The following SEC24C variants were observed in gnomAD, a reference collection of about 807,000 sequenced individuals.
SEC24C encodes protein transport protein Sec24C.
In SEC24C, 22 loss-of-function variants were observed where a neutral mutation model predicts 117.0. That is an observed-to-expected ratio of 0.19 (90% CI 0.13 to 0.27). The LOEUF is 0.27. Ranked by LOEUF, SEC24C falls within the 10% of genes least tolerant of loss-of-function variation. SEC24C has a pLI of 1.00. For synonymous variants in SEC24C, 506 were observed against 529.4 expected, an observed-to-expected ratio of 0.96 and a Z score of 0.61; for missense variants, 1,155 against 1,375.1, an observed-to-expected ratio of 0.84 and a Z score of 2.53.
chr10:73,755,853 ATCTT>A (rs1424480782), intron 3 of SEC24C, among the ~76,000 whole-genome samples: 1 of 151,646 alleles, frequency 6.6e-6, no homozygotes, highest in Non-Finnish European at 1.5e-5. Flanking sequence ...AGGACTGAAA[ATCTT>A]TTTTTTTTTT....
chr10:73,767,956 T>G lies in SEC24C; in HGVS notation c.2130T>G (p.Ser710=), dbSNP rs778252952. Residue 710 remains serine, a synonymous_variant, in exon 15 of 23, where the codon TCT becomes TCG. Transcript: ENST00000345254. The stretch of plus-strand genomic sequence containing the variant: ...AGTATGTGGATGTGGCCACACTCTC[T>G]GTTGTGCCCCAGCTCACTGGTGGCT... ...PNQYVDVATL[S]VVPQLTGGSV... 4 of 1,613,424 alleles carry G rather than the reference T, an allele frequency of 2.5e-6. No homozygotes were observed. Among genetic ancestry groups the G allele is most frequent in the Non-Finnish European group, 3.4e-6 (4 of 1,179,890 alleles).
At chr10:73,768,059 C>T (rs769574757) in intron 15 of SEC24C, 52 bp downstream of exon 15, 3 of 1,535,110 alleles carry the variant, frequency 2.0e-6, no homozygotes, top group Admixed American at 3.5e-5. Context: ...GGAATATCTG[C>T]TTATATATGC....
At chr10:73,748,203 T>A (rs920968860) in intron 2 of SEC24C, among the ~76,000 whole-genome samples, 22 of 152,090 alleles carry the variant, frequency 1.4e-4, no homozygotes, top group African/African-American at 5.1e-4. Flanking sequence ...TGGCACAATC[T>A]CGGCTCACTG....
chr10:73,770,668 A>AAC (rs770567369), intron 21 of SEC24C, 41 bp from the exon 22 acceptor site: 1 of 1,604,128 alleles, frequency 6.2e-7, no homozygotes, highest in South Asian at 1.1e-5. Context: ...GACTGAACTC[A>AAC]GAGTGCCTTA....
At chr10:73,761,946 A>G (rs1457004068) in intron 6 of SEC24C, among the ~76,000 whole-genome samples, 2 of 152,054 alleles carry the variant, frequency 1.3e-5, no homozygotes, top group Non-Finnish European at 1.5e-5. Flanking sequence ...TTGGAATTTC[A>G]TATCTAGAGG....
At chr10:73,753,980 A>T (rs2082677375) in intron 3 of SEC24C, among the ~76,000 whole-genome samples, 1 of 152,028 alleles carries the variant, frequency 6.6e-6, no homozygotes, top group Non-Finnish European at 1.5e-5. Flanking sequence ...TAAGTTCATT[A>T]CCTGTCATTA....
chr10:73,752,272 C>T (rs766276278), intron 3 of SEC24C, among the ~76,000 whole-genome samples: 11 of 152,138 alleles, frequency 7.2e-5, no homozygotes, highest in Non-Finnish European at 1.3e-4. Context: ...CAGGCATGCG[C>T]CACCACACCC....
At position 73,768,854 on chromosome 10, in the gene SEC24C, T is replaced by C. The variant is rs201572452; in HGVS notation, c.2226T>C (p.Asp742=). The part of the protein sequence containing the change: ...QERFLSDLRR[D]VQKVVGFDAV... ...GGTTCCTGAGTGACCTGCGTCGTGATGTCCAGAAGGTTGTTGGCTTTGATG... is the reference window on the plus strand; with the variant it reads ...GGTTCCTGAGTGACCTGCGTCGTGACGTCCAGAAGGTTGTTGGCTTTGATG... The change falls in exon 16 of 23, where the codon GAT becomes GAC. Residue 742 remains aspartate, a synonymous_variant. Coordinates refer to ENST00000345254, the MANE Select transcript of SEC24C (RefSeq NM_198597.3). 4.3e-6 allele frequency: 7 copies of C among 1,614,086 alleles called. No homozygotes were observed. The Admixed American group carries it at 6.7e-5, about 15-fold the overall frequency.
intron 3 of SEC24C, among the ~76,000 whole-genome samples, chr10:73,758,851 TTGTGTG>T (rs111974775): frequency 6.6e-6 from 1 of 150,450 alleles, no homozygotes; most frequent in African/African-American, 2.4e-5. Context: ...TAGTTGGTTT[TTGTGTG>T]TGTGTGTGTG....
Position 73,767,916 on chromosome 10 carries a change from TTCTC to T in SEC24C, c.2092_2095del (p.Leu698SerfsTer38). On this transcript the variant is annotated frameshift_variant, in exon 15 of 23. Coordinates refer to ENST00000345254, the MANE Select transcript of SEC24C (RefSeq NM_198597.3). LOFTEE classifies it high-confidence loss of function. ...GCCCAAGGCTGCTGTGTAGATCTCT[TTCTC>T]TTCCCTAACCAGTATGTGGATGTGG... is the stretch of plus-strand genomic sequence containing the variant. 6.9e-7 allele frequency: 1 copy of T among 1,459,442 alleles called. No homozygotes were observed. The highest frequency in any genetic ancestry group is 9.1e-7 in the Non-Finnish European group (1 of 1,100,058). The allele number at this position is 1,459,442 out of a possible 1,614,324, so 90.4% of individuals were successfully genotyped here.
intron 3 of SEC24C, among the ~76,000 whole-genome samples, chr10:73,752,980 A>G (rs2082662858): frequency 1.3e-5 from 2 of 152,286 alleles, no homozygotes; most frequent in South Asian, 2.1e-4. Context: ...CCCCAATTCA[A>G]ACATTATTCT....
At chr10:73,768,762 T>C (rs767748311) in intron 15 of SEC24C, 48 bp from the exon 16 acceptor site, 5 of 1,561,350 alleles carry the variant, frequency 3.2e-6, no homozygotes. Flanking sequence ...GTCTGCACGA[T>C]GAGCTATGTC....
At chr10:73,770,667 C>G in intron 21 of SEC24C, 42 bp from the exon 22 acceptor site, 1 of 1,603,598 alleles carries the variant, frequency 6.2e-7, no homozygotes, top group Non-Finnish European at 8.5e-7. Context: ...TGACTGAACT[C>G]AGAGTGCCTT....
At position 73,746,916 on chromosome 10, in the gene SEC24C, T is replaced by C. The variant is rs2306325; in HGVS notation, c.84T>C (p.Tyr28=). ...ACCCAGGGTATCATCAGTCCAGCTA[T>C]GGTGGGCAATCAGGGTCCACAGCCC... ...PIYPGYHQSS[Y]GGQSGSTAPA... is the part of the protein sequence containing the mutation. Residue 28 remains tyrosine, a synonymous_variant, in exon 2 of 23, where the codon TAT becomes TAC. Coordinates refer to ENST00000345254, the MANE Select transcript of SEC24C (RefSeq NM_198597.3). 0.14 allele frequency: 227,705 copies of C among 1,613,632 alleles called. 16,887 individuals are homozygous for C. Among genetic ancestry groups the C allele is most frequent in the South Asian group, 0.22 (19,628 of 90,896 alleles).
rs1198666967 is a variant in SEC24C, at chr10:73,765,518, T to C, written c.1295T>C (p.Met432Thr). 1.2e-6 allele frequency: 2 copies of C among 1,614,048 alleles called. No individual in the cohort carries two copies. The highest frequency in any genetic ancestry group is 1.3e-5 in the African/African-American group (1 of 74,932). Reference sequence around the variant, plus strand: ...CGCTGCAACCGCTGCAAAGCATACATGTGTCCCTTCATGCAGTTCATTGAA... The same window carrying C: ...CGCTGCAACCGCTGCAAAGCATACACGTGTCCCTTCATGCAGTTCATTGAA... ...PLRCNRCKAY[M>T]CPFMQFIEGG... The change falls in exon 9 of 23, where the codon ATG (methionine) becomes ACG (threonine). Residue 432 changes from methionine (M) to threonine (T), a missense_variant. Met to Thr is a moderately conservative substitution (Grantham distance 81, BLOSUM62 -1). Around this residue, in one of 2 missense-constraint regions of SEC24C, gnomAD observed 759 missense variants for 992.3 expected, o/e 0.76. Coordinates refer to ENST00000345254, the MANE Select transcript of SEC24C (RefSeq NM_198597.3).
At chr10:73,745,659 C>T (rs1465072779) in intron 1 of SEC24C, among the ~76,000 whole-genome samples, 2 of 151,734 alleles carry the variant, frequency 1.3e-5, no homozygotes, top group Non-Finnish European at 2.9e-5. Flanking sequence ...AGCGATTTCT[C>T]CTGCCTCAGC....
At position 73,767,699 on chromosome 10, in the gene SEC24C, T is replaced by G. The variant is rs2082906333; in HGVS notation, c.2011-138T>G. ...ATAAAAATAATATAAAAGAAAATTT[T>G]TTACTATTGGAAAATCCTTGGAAGT... On this transcript the variant is annotated intron_variant, in intron 14 of 22. Transcript: ENST00000345254. 10 of 597,364 alleles carry G rather than the reference T, an allele frequency of 1.7e-5. No individual in the cohort carries two copies. The South Asian group carries it at 4.2e-4, about 25-fold the overall frequency. 37.0% of individuals were successfully genotyped at this position (597,364 alleles called of 1,614,324 possible). A position where few individuals can be genotyped will look rare whatever the true frequency, so the allele number is the denominator to read the frequency against.
chr10:73,749,861 A>G (rs1020938475), intron 2 of SEC24C, among the ~76,000 whole-genome samples: 2 of 152,226 alleles, frequency 1.3e-5, no homozygotes, highest in African/African-American at 4.8e-5. Flanking sequence ...TTTCTCAAGA[A>G]GAGCAGCTAG....
At chr10:73,765,981 A>T in intron 10 of SEC24C, 66 bp downstream of exon 10, 18 of 1,359,832 alleles carry the variant, frequency 1.3e-5, no homozygotes, top group Non-Finnish European at 1.8e-5. Context: ...AATGGCTGTT[A>T]TCATTTCCCT....
Sources: allele counts gnomAD v4.1 joint callset (sites outside exome capture counted in the v4.1 genomes callset), GRCh38; gene constraint gnomAD v4.1.1; regional missense constraint gnomAD v4.1.1; transcripts MANE v1.5; gene names NCBI Gene and HGNC (gene_info 2026-07-23, HGNC 2026-07-21).